The following ELOVL5 variants were observed in gnomAD, a reference collection of about 807,000 sequenced individuals.
ELOVL5 encodes the protein ELOVL fatty acid elongase 5.
ELOVL5 carries 8 observed loss-of-function variants against 38.6 expected under a neutral mutation model. That is an observed-to-expected ratio of 0.21 (90% CI 0.12 to 0.37). ELOVL5 has a LOEUF of 0.37. ELOVL5 is among the 10% of genes least tolerant of loss of function. ELOVL5 has a pLI of 1.00. For missense variants in ELOVL5, 280 were observed against 367.8 expected, an observed-to-expected ratio of 0.76 and a Z score of 1.95; for synonymous variants, 127 against 133.7, an observed-to-expected ratio of 0.95 and a Z score of 0.34.
rs192902526 is a variant in ELOVL5 at position 53,343,072 on chromosome 6, T to C, written c.-9+5745A>G. ...TGGTGAGGGTTCCTATTGCAGAAAC[T>C]GAAAATCAGGTCAGGATAGGCCAGA... On this transcript the variant is annotated intron_variant, in intron 1 of 7. Transcript: ENST00000304434. Among the ~76,000 whole-genome samples, 65 of 152,288 alleles carry C rather than the reference T, an allele frequency of 4.3e-4. 1 individual carries two copies. Among genetic ancestry groups the C allele is most frequent in the African/African-American group, 1.5e-3 (61 of 41,542 alleles).
chr6:53,306,991 C>A (rs556407899), intron 1 of ELOVL5, among the ~76,000 whole-genome samples: 1 of 152,282 alleles, frequency 6.6e-6, no homozygotes, highest in South Asian at 2.1e-4. Flanking sequence ...AAAAAAAAAT[C>A]CATCAGGTGC....
intron 3 of ELOVL5, among the ~76,000 whole-genome samples, chr6:53,282,904 C>T (rs1766413963): frequency 6.6e-6 from 1 of 152,162 alleles, no homozygotes; most frequent in South Asian, 2.1e-4. Context: ...TATTATGTTT[C>T]CAAAGCAACT....
At chr6:53,304,436 C>CTTTTA (rs61664888) in intron 1 of ELOVL5, among the ~76,000 whole-genome samples, 2,798 of 150,826 alleles carry the variant, frequency 0.019, 35 homozygotes, top group Middle Eastern at 0.031. Context: ...ACACACACCT[C>CTTTTA]TTTTATTTTA....
intron 1 of ELOVL5, among the ~76,000 whole-genome samples, chr6:53,302,341 T>A (rs1440193524): frequency 6.6e-6 from 1 of 152,158 alleles, no homozygotes; most frequent in Non-Finnish European, 1.5e-5. Flanking sequence ...AAAAAGACAC[T>A]ACAATAAGCT....
chr6:53,309,488 A>C (rs1390866340), intron 1 of ELOVL5, among the ~76,000 whole-genome samples: 1 of 152,154 alleles, frequency 6.6e-6, no homozygotes, highest in Non-Finnish European at 1.5e-5. Flanking sequence ...AGACTACAGG[A>C]CCTCAAGCTT....
intron 1 of ELOVL5, among the ~76,000 whole-genome samples, chr6:53,334,565 A>G (rs1243773543): frequency 1.3e-5 from 2 of 152,122 alleles, no homozygotes; most frequent in South Asian, 2.1e-4. Context: ...GGACTCAAAA[A>G]CAGTTGCTGA....
chr6:53,314,361 G>A (rs569161336), intron 1 of ELOVL5, among the ~76,000 whole-genome samples: 1 of 152,292 alleles, frequency 6.6e-6, no homozygotes, highest in Admixed American at 6.5e-5. Flanking sequence ...CCTACAGCCA[G>A]AACACCAAGG....
chr6:53,331,160 T>G (rs1266618188), intron 1 of ELOVL5, among the ~76,000 whole-genome samples: 3 of 151,920 alleles, frequency 2.0e-5, no homozygotes, highest in Non-Finnish European at 4.4e-5. Context: ...TGGGACCCCA[T>G]CTCAACAAAA....
chr6:53,344,814 C>T lies in ELOVL5; in HGVS notation c.-9+4003G>A, dbSNP rs747366870. 3.3e-5 allele frequency among the ~76,000 whole-genome samples: 5 copies of T among 152,304 alleles called. No homozygotes were observed. In the South Asian group the frequency reaches 1.0e-3, roughly 32 times the overall value. ...CTATTTGCTTTTTGCCCAATGATTC[C>T]ACACTCGCTTACTCTCCAAACTCCC... On this transcript the variant is annotated intron_variant, in intron 1 of 7. Transcript: ENST00000304434.
intron 1 of ELOVL5, among the ~76,000 whole-genome samples, chr6:53,303,603 T>G (rs1433627818): frequency 1.3e-5 from 2 of 152,208 alleles, no homozygotes; most frequent in Non-Finnish European, 2.9e-5. Flanking sequence ...CACTGATAGA[T>G]TCTACAAAGC....
chr6:53,293,883 C>T (rs997016183), intron 2 of ELOVL5, among the ~76,000 whole-genome samples: 3 of 152,126 alleles, frequency 2.0e-5, no homozygotes, highest in African/African-American at 7.2e-5. Context: ...ACTGTCAGTC[C>T]GGCAGAACTG....
chr6:53,307,449 A>C (rs2127581437), intron 1 of ELOVL5, among the ~76,000 whole-genome samples: 1 of 152,382 alleles, frequency 6.6e-6, no homozygotes, highest in Non-Finnish European at 1.5e-5. Context: ...AATGCTTAGA[A>C]TAGTGTGTGG....
intron 3 of ELOVL5, among the ~76,000 whole-genome samples, chr6:53,287,506 G>A (rs1157467827): frequency 6.6e-6 from 1 of 152,160 alleles, no homozygotes; most frequent in Non-Finnish European, 1.5e-5. Context: ...TACTTTGAAA[G>A]GAATGCATCA....
At chr6:53,315,429 AAG>A (rs1344000927) in intron 1 of ELOVL5, among the ~76,000 whole-genome samples, 1 of 152,224 alleles carries the variant, frequency 6.6e-6, no homozygotes, top group Non-Finnish European at 1.5e-5. Context: ...TTTTCCATTT[AAG>A]AGATAAACGA....
chr6:53,308,986 C>T (rs901276613), intron 1 of ELOVL5, among the ~76,000 whole-genome samples: 7 of 152,070 alleles, frequency 4.6e-5, no homozygotes, highest in Non-Finnish European at 8.8e-5. Context: ...ATTTTTCAAA[C>T]ACTGTGTGAC....
chr6:53,281,493 C>A (rs2127570286), intron 3 of ELOVL5, among the ~76,000 whole-genome samples: 1 of 152,320 alleles, frequency 6.6e-6, no homozygotes, highest in South Asian at 2.1e-4. Context: ...AAATGCACCT[C>A]AAACAGCAGT....
rs1766967591 is a variant in ELOVL5, at chr6:53,295,727, T to C, written c.-8-20A>G. 7.0e-7 allele frequency: 1 copy of C among 1,432,422 alleles called. No homozygotes were observed. The highest frequency in any genetic ancestry group is 9.6e-7 in the Non-Finnish European group (1 of 1,045,472). 88.7% of individuals were successfully genotyped at this position (1,432,422 alleles called of 1,614,324 possible). ...GAAAACCTATTAAGAAAAAAAAAGA[T>C]ACTGATTAATCTCTACTCAAAATGT... is the stretch of plus-strand genomic sequence containing the variant. On this transcript the variant is annotated intron_variant, in intron 1 of 7. Transcript: ENST00000304434.
At position 53,297,692 on chromosome 6, in the gene ELOVL5, G is replaced by GA. The variant is rs536745106; in HGVS notation, c.-8-1986dup. On this transcript the variant is annotated intron_variant, in intron 1 of 7. Coordinates refer to ENST00000304434, the MANE Select transcript of ELOVL5 (RefSeq NM_021814.5). ...CTTTATTATAGGTATGTATGCATAG[G>GA]AAAAAAAACCACTATATATAATATA... 1.3e-3 allele frequency among the ~76,000 whole-genome samples: 201 copies of GA among 151,610 alleles called. 1 individual carries two copies. The highest frequency in any genetic ancestry group is 4.6e-3 in the African/African-American group (191 of 41,338).
chr6:53,335,345 G>A (rs1769008417), intron 1 of ELOVL5, among the ~76,000 whole-genome samples: 1 of 152,274 alleles, frequency 6.6e-6, no homozygotes, highest in East Asian at 1.9e-4. Context: ...GTCTCCCTCT[G>A]GCTTCCCTGG....
Sources: gnomAD v4.1 joint callset for allele counts (sites outside exome capture counted in the v4.1 genomes callset) on GRCh38, gnomAD v4.1.1 for gene constraint, MANE v1.5 for transcripts, NCBI Gene and HGNC (gene_info 2026-07-23, HGNC 2026-07-21) for gene names.